ITPR1: variants seen among roughly 807,000 people sequenced by gnomAD.
The protein encoded by ITPR1 is inositol 1,4,5-trisphosphate receptor type 1.
In ITPR1, 96 loss-of-function variants were observed where a neutral mutation model predicts 318.4. The observed-to-expected ratio is 0.30, with a 90% CI of 0.26 to 0.36. ITPR1 has a LOEUF of 0.36. ITPR1 is among the 10% of genes least tolerant of loss of function. ITPR1 has a pLI of 1.00. For synonymous variants in ITPR1, 1,312 were observed against 1,289.9 expected (o/e 1.02, Z -0.37); for missense variants, 2,440 against 3,460.2 (o/e 0.71, Z 7.40).
rs757424157 is a variant in ITPR1, at chr3:4,806,290, T to C, written c.7272+23T>C. On this transcript the variant is annotated intron_variant, in intron 55 of 61. Coordinates refer to ENST00000649015, the MANE Select transcript of ITPR1 (RefSeq NM_001378452.1). Reference sequence around the variant, plus strand: ...CTGGTGAGTACCTGGTGTGGAAATATTTTATGTGTGGGGAAACTAGGAGAG... The same window carrying C: ...CTGGTGAGTACCTGGTGTGGAAATACTTTATGTGTGGGGAAACTAGGAGAG... 9.3e-6 allele frequency: 15 copies of C among 1,608,952 alleles called. No individual in the cohort carries two copies. In the East Asian group the frequency reaches 2.0e-4, roughly 22 times the overall value.
At chr3:4,781,527 G>A (rs2046836645) in intron 49 of ITPR1, among the ~76,000 whole-genome samples, 1 of 152,160 alleles carries the variant, frequency 6.6e-6, no homozygotes, top group African/African-American at 2.4e-5. Flanking sequence ...AATGCTCTGA[G>A]AAATGTGCTC....
intron 42 of ITPR1, 120 bp from the exon 43 acceptor site, chr3:4,732,968 A>T: frequency 1.0e-6 from 1 of 959,550 alleles, no homozygotes; most frequent in Non-Finnish European, 1.6e-6. Context: ...TGAATAATTT[A>T]TTCTTTCGCC....
chr3:4,738,757 A>G (rs2043473253), intron 44 of ITPR1, among the ~76,000 whole-genome samples: 1 of 151,814 alleles, frequency 6.6e-6, no homozygotes, highest in African/African-American at 2.4e-5. Flanking sequence ...GGTTTCACAC[A>G]TTTATTACTC....
At position 4,661,066 on chromosome 3, in the gene ITPR1, A is replaced by G. The variant is rs761546486; in HGVS notation, c.1230A>G (p.Glu410=). ...HSTNIPIDKE[E]EKPVMLKIGT... The stretch of plus-strand genomic sequence containing the variant: ...CAAATATTCCTATTGACAAGGAAGA[A>G]GAAAAGCCCGTGATGCTGAAAGTAA... The change falls in exon 14 of 62, where the codon GAA becomes GAG. Residue 410 remains glutamate (E), a synonymous_variant. Transcript: ENST00000649015. 1 of 1,606,718 alleles carries G rather than the reference A, an allele frequency of 6.2e-7. No homozygotes were observed. Among genetic ancestry groups the G allele is most frequent in the South Asian group, 1.1e-5 (1 of 90,884 alleles).
intron 10 of ITPR1, among the ~76,000 whole-genome samples, chr3:4,648,287 A>C (rs537815766): frequency 6.6e-6 from 1 of 152,134 alleles, no homozygotes; most frequent in Non-Finnish European, 1.5e-5. Flanking sequence ...TCCTCTCTAC[A>C]TGCATTTGCC....
Position 4,691,262 on chromosome 3 carries a change from T to G in ITPR1, c.3947T>G (p.Val1316Gly). The change falls in exon 32 of 62, where the codon GTC (valine) becomes GGC (glycine). Residue 1316 changes from valine (V) to glycine (G), a missense_variant. Transcript: ENST00000649015. ...VHCIETHGRN[V>G]QYIKFLQTIV... ...TGCATAGAGACTCACGGTCGGAATG[T>G]CCAGTATATAAAGTTCTTACAGACA... 1 of 1,613,276 alleles carries G rather than the reference T, an allele frequency of 6.2e-7. No individual in the cohort carries two copies. Among genetic ancestry groups the G allele is most frequent in the Non-Finnish European group, 8.5e-7 (1 of 1,179,348 alleles).
chr3:4,543,818 G>A (rs949275703), intron 4 of ITPR1, among the ~76,000 whole-genome samples: 4 of 152,184 alleles, frequency 2.6e-5, no homozygotes, highest in Admixed American at 6.5e-5. Flanking sequence ...TAAAACATAA[G>A]GGCATTTGTT....
At chr3:4,725,522 G>A (rs776539336) in intron 40 of ITPR1, 24 bp from the exon 41 acceptor site, 23 of 1,595,460 alleles carry the variant, frequency 1.4e-5, no homozygotes, top group Middle Eastern at 1.7e-4. Context: ...CATGACTAAC[G>A]TACTTCGTTT....
At chr3:4,731,196 G>C (rs1195871748) in intron 42 of ITPR1, among the ~76,000 whole-genome samples, 1 of 152,158 alleles carries the variant, frequency 6.6e-6, no homozygotes, top group Non-Finnish European at 1.5e-5. Context: ...TATGAAGTCA[G>C]CCTTTTAAAT....
Position 4,681,428 on chromosome 3 carries a change from T to G in ITPR1, c.3161+10T>G. 6.3e-7 allele frequency: 1 copy of G among 1,599,288 alleles called. No individual in the cohort carries two copies. The highest frequency in any genetic ancestry group is 8.6e-7 in the Non-Finnish European group (1 of 1,166,770). Reference sequence around the variant, plus strand: ...GCATCTTTGGAGGAAGGAAAGTATATTTTCAGTTACTGTTTTGTAGGGAAG... The same window carrying G: ...GCATCTTTGGAGGAAGGAAAGTATAGTTTCAGTTACTGTTTTGTAGGGAAG... On this transcript the variant is annotated intron_variant, in intron 26 of 61. Coordinates refer to ENST00000649015, the MANE Select transcript of ITPR1 (RefSeq NM_001378452.1).
chr3:4,737,332 A>G (rs536113789), intron 44 of ITPR1, among the ~76,000 whole-genome samples: 1 of 152,312 alleles, frequency 6.6e-6, no homozygotes, highest in East Asian at 1.9e-4. Context: ...ACCAAGGAAG[A>G]AGGACCAGCA....
intron 10 of ITPR1, among the ~76,000 whole-genome samples, chr3:4,647,037 G>A (rs901841067): frequency 6.6e-6 from 1 of 152,078 alleles, no homozygotes; most frequent in East Asian, 1.9e-4. Context: ...TAGAATGATA[G>A]CAGCACCCAG....
At chr3:4,615,499 C>T (rs1446111002) in intron 4 of ITPR1, among the ~76,000 whole-genome samples, 1 of 151,852 alleles carries the variant, frequency 6.6e-6, no homozygotes, top group Admixed American at 6.6e-5. Context: ...GCCTCAGCCT[C>T]CCGAGTAACT....
chr3:4,621,211 G>C (rs1001135760), intron 4 of ITPR1, among the ~76,000 whole-genome samples: 2 of 152,206 alleles, frequency 1.3e-5, no homozygotes, highest in South Asian at 2.1e-4. Flanking sequence ...AATTTCACAA[G>C]CTTTACAGGA....
chr3:4,528,851 T>G (rs940046312), intron 4 of ITPR1, among the ~76,000 whole-genome samples: 1 of 152,346 alleles, frequency 6.6e-6, no homozygotes, highest in Non-Finnish European at 1.5e-5. Flanking sequence ...AGATTAATAG[T>G]TTTTTGTAAT....
rs545628666 is a variant in ITPR1, at chr3:4,783,927, G to C, written c.6615+7G>C. ...GCACACGGCGCAGATAGAGGTAAAA[G>C]CTGAGTAAACTCAGGGCATGGGGTT... is the stretch of plus-strand genomic sequence containing the variant. On this transcript the variant is annotated splice_region_variant and intron_variant, in intron 51 of 61. Coordinates refer to ENST00000649015, the MANE Select transcript of ITPR1 (RefSeq NM_001378452.1). 6.3e-7 allele frequency: 1 copy of C among 1,590,242 alleles called. No homozygotes were observed. The highest frequency in any genetic ancestry group is 8.6e-7 in the Non-Finnish European group (1 of 1,166,318).
intron 39 of ITPR1, among the ~76,000 whole-genome samples, chr3:4,713,720 C>A (rs2041552682): frequency 6.6e-6 from 1 of 152,302 alleles, no homozygotes. Context: ...TAAATTATAT[C>A]ACAGTTTTGT....
At position 4,607,699 on chromosome 3, in the gene ITPR1, C is replaced by G. The variant is rs189785309; in HGVS notation, c.164-20064C>G. ...GCTGATTTGTGGGGGTGCAGTCATA[C>G]GGGTGTGGGTAATGGTCCTCTGGTG... On this transcript the variant is annotated intron_variant, in intron 4 of 61. Transcript: ENST00000649015. 1.7e-4 allele frequency among the ~76,000 whole-genome samples: 26 copies of G among 152,004 alleles called. No homozygotes were observed. In the South Asian group the frequency reaches 5.4e-3, roughly 32 times the overall value.
intron 55 of ITPR1, among the ~76,000 whole-genome samples, chr3:4,808,291 TC>T (rs1281690511): frequency 1.3e-5 from 2 of 152,214 alleles, no homozygotes; most frequent in African/African-American, 4.8e-5. Context: ...GGTAACTTGC[TC>T]AGAGTCACAC....
Sources: allele counts gnomAD v4.1 joint callset (sites outside exome capture counted in the v4.1 genomes callset), GRCh38; gene constraint gnomAD v4.1.1; transcripts MANE v1.5; gene names NCBI Gene and HGNC (gene_info 2026-07-23, HGNC 2026-07-21).